The following ROBO2 variants were observed in gnomAD, a reference collection of about 807,000 sequenced individuals.
The protein encoded by ROBO2 is roundabout homolog 2.
ROBO2 carries 53 observed loss-of-function variants against 160.8 expected under a neutral mutation model. The ratio of observed to expected loss-of-function variants is 0.33; its 90% CI spans 0.26 to 0.41. The LOEUF (loss-of-function observed/expected upper bound fraction) is 0.41, where lower values mean the gene tolerates loss of function less well. Ranked by LOEUF, ROBO2 falls within the 10% of genes least tolerant of loss-of-function variation. ROBO2 has a pLI of 1.00. For missense variants in ROBO2, 1,577 were observed against 1,722.4 expected, an observed-to-expected ratio of 0.92 and a Z score of 1.49; for synonymous variants, 664 against 611.7, an observed-to-expected ratio of 1.09 and a Z score of -1.26.
At chr3:76,566,155 G>T (rs1354835663) in intron 2 of ROBO2, among the ~76,000 whole-genome samples, 1 of 152,204 alleles carries the variant, frequency 6.6e-6, no homozygotes, top group African/African-American at 2.4e-5. Flanking sequence ...TAGATACTGT[G>T]GAGGGTTGGG....
At chr3:77,551,582 G>GA (rs2092923066) in intron 8 of ROBO2, among the ~76,000 whole-genome samples, 1 of 152,074 alleles carries the variant, frequency 6.6e-6, no homozygotes, top group Middle Eastern at 3.4e-3. Context: ...TGCGTAATCT[G>GA]GTTTTTTCCC....
At chr3:76,603,352 A>ATATG (rs1491121015) in intron 2 of ROBO2, among the ~76,000 whole-genome samples, 4 of 32,176 alleles carry the variant, frequency 1.2e-4, no homozygotes, top group African/African-American at 7.3e-4. Context: ...AAAAAAAAAA[A>ATATG]TATATATATA....
At chr3:77,021,559 C>T (rs2062639066) in intron 2 of ROBO2, among the ~76,000 whole-genome samples, 2 of 152,150 alleles carry the variant, frequency 1.3e-5, no homozygotes, top group African/African-American at 4.8e-5. Context: ...CTGCCCTATA[C>T]CCAACAGGAA....
At chr3:77,309,199 T>G (rs569412610) in intron 2 of ROBO2, among the ~76,000 whole-genome samples, 1 of 152,292 alleles carries the variant, frequency 6.6e-6, no homozygotes, top group South Asian at 2.1e-4. Context: ...TTCATATATA[T>G]TCTAATAAAT....
intron 2 of ROBO2, among the ~76,000 whole-genome samples, chr3:77,106,448 C>T (rs1215308507): frequency 6.6e-6 from 1 of 152,036 alleles, no homozygotes; most frequent in South Asian, 2.1e-4. Context: ...AATATAATTT[C>T]GTGCAGTAAC....
At chr3:76,293,229 A>G (rs1305815402) in intron 2 of ROBO2, among the ~76,000 whole-genome samples, 1 of 152,212 alleles carries the variant, frequency 6.6e-6, no homozygotes, top group East Asian at 1.9e-4. Flanking sequence ...CTTGTCCGCT[A>G]GCATGTGTTA....
At chr3:77,317,250 C>T (rs2064099322) in intron 2 of ROBO2, 1 of 781,182 alleles carries the variant, frequency 1.3e-6, no homozygotes, top group Admixed American at 1.9e-5. Flanking sequence ...TGTGCTCCCA[C>T]TTGCACCCTG....
chr3:77,000,084 C>G (rs557179323), intron 2 of ROBO2, among the ~76,000 whole-genome samples: 1 of 152,082 alleles, frequency 6.6e-6, no homozygotes, highest in East Asian at 1.9e-4. Context: ...TCGAGATGAC[C>G]TGATTAATGT....
chr3:76,477,797 T>C (rs552863052), intron 2 of ROBO2, among the ~76,000 whole-genome samples: 189 of 152,158 alleles, frequency 1.2e-3, no homozygotes, highest in Middle Eastern at 3.4e-3. Context: ...CCTTATGTCC[T>C]ACTACTAAAA....
At chr3:76,694,267 G>A (rs1462478681) in intron 2 of ROBO2, among the ~76,000 whole-genome samples, 1 of 152,166 alleles carries the variant, frequency 6.6e-6, no homozygotes, top group African/African-American at 2.4e-5. Flanking sequence ...TCAAAAAGCT[G>A]CTAAAAGTCC....
chr3:77,065,940 G>C (rs759341799), intron 1 of ROBO2, among the ~76,000 whole-genome samples: 1 of 152,020 alleles, frequency 6.6e-6, no homozygotes, highest in African/African-American at 2.4e-5. Flanking sequence ...CAAAATTGGC[G>C]TAATTGGCAT....
At chr3:76,670,953 C>CTGCT (rs2092242509) in intron 2 of ROBO2, among the ~76,000 whole-genome samples, 1 of 149,108 alleles carries the variant, frequency 6.7e-6, no homozygotes, top group Non-Finnish European at 1.5e-5. Flanking sequence ...TTTTAATCCA[C>CTGCT]TGCTTGGCTC....
chr3:76,213,443 T>A (rs560217416), intron 2 of ROBO2, among the ~76,000 whole-genome samples: 1 of 152,180 alleles, frequency 6.6e-6, no homozygotes, highest in Non-Finnish European at 1.5e-5. Flanking sequence ...CTCTTAGTGT[T>A]TATTTCTGAT....
chr3:76,739,452 G>A (rs984031497), intron 2 of ROBO2, among the ~76,000 whole-genome samples: 4 of 149,586 alleles, frequency 2.7e-5, no homozygotes, highest in African/African-American at 7.4e-5. Flanking sequence ...GACACAAGAA[G>A]GGGAACATCA....
intron 2 of ROBO2, among the ~76,000 whole-genome samples, chr3:76,195,404 T>C (rs1415333026): frequency 6.6e-6 from 1 of 152,178 alleles, no homozygotes; most frequent in Non-Finnish European, 1.5e-5. Context: ...ATTTATGGAA[T>C]TACATTAGGA....
rs1052034940 is a variant in ROBO2, at chr3:77,580,633, T to G, written c.2500+515T>G. ...ATCATAGATTATGTTTGTCTGTTCT[T>G]GAGATGTATATAAATGGAATCATAC... On this transcript the variant is annotated intron_variant, in intron 16 of 25. Coordinates refer to ENST00000461745, the Ensembl canonical transcript of ROBO2. Among the ~76,000 whole-genome samples, 3 of 152,252 alleles carry G rather than the reference T, an allele frequency of 2.0e-5. No homozygotes were observed. The South Asian group carries it at 6.2e-4, about 32-fold the overall frequency.
intron 2 of ROBO2, among the ~76,000 whole-genome samples, chr3:76,249,942 G>A (rs1367002652): frequency 1.3e-5 from 2 of 151,942 alleles, no homozygotes; most frequent in Admixed American, 6.6e-5. Context: ...CCTCTTCAAG[G>A]CATTTCAGAG....
At chr3:77,316,793 C>A (rs1363061517) in intron 2 of ROBO2, 12 of 1,281,046 alleles carry the variant, frequency 9.4e-6, no homozygotes, top group Non-Finnish European at 1.1e-5. Context: ...TTGTGGCCAC[C>A]AGCCTTGACG....
intron 2 of ROBO2, among the ~76,000 whole-genome samples, chr3:76,900,747 G>A (rs2075160789): frequency 6.6e-6 from 1 of 152,114 alleles, no homozygotes; most frequent in African/African-American, 2.4e-5. Context: ...AATAATCAGT[G>A]GAGGATTCAT....
Sources: allele counts gnomAD v4.1 joint callset (sites outside exome capture counted in the v4.1 genomes callset), GRCh38; gene constraint gnomAD v4.1.1; transcripts MANE v1.5; gene names NCBI Gene and HGNC (gene_info 2026-07-23, HGNC 2026-07-21).